GNE: variants seen among roughly 807,000 people sequenced by gnomAD.
GNE encodes bifunctional UDP-N-acetylglucosamine 2-epimerase/N-acetylmannosamine kinase.
A neutral mutation model predicts 61.8 loss-of-function variants in GNE; 41 were observed. That is an observed-to-expected ratio of 0.66 (90% CI 0.52 to 0.86). The LOEUF is 0.86. Ranked by LOEUF, GNE falls within the 40% of genes least tolerant of loss-of-function variation. The pLI is 0.00. For synonymous variants in GNE, 264 were observed against 326.4 expected (o/e 0.81, Z 2.06); for missense variants, 608 against 909.1 (o/e 0.67, Z 4.26).
intron 5 of GNE, among the ~76,000 whole-genome samples, chr9:36,230,029 C>T (rs1028552117): frequency 6.6e-6 from 1 of 152,050 alleles, no homozygotes; most frequent in East Asian, 1.9e-4. Context: ...TCACTGCAAC[C>T]TCTACCTCCC....
intron 7 of GNE, among the ~76,000 whole-genome samples, chr9:36,224,818 C>T (rs1451526950): frequency 2.6e-5 from 4 of 151,650 alleles, no homozygotes; most frequent in East Asian, 1.9e-4. Context: ...TGCAGTAAGC[C>T]GAGATCATAC....
In GNE at chr9:36,217,181, C is replaced by A; in HGVS notation, c.*184G>T. On this transcript the variant is annotated 3_prime_UTR_variant, in exon 12 of 12. Coordinates refer to ENST00000642385, the MANE Select transcript of GNE (RefSeq NM_005476.7). ...AAGAAGACATCAGAAAGAATAGCAT[C>A]TACAAAAATAGGAGTGGGGAAAGGT... 1.6e-6 allele frequency: 1 copy of A among 635,924 alleles called. No individual in the cohort carries two copies. 39.4% of individuals were successfully genotyped at this position (635,924 alleles called of 1,614,324 possible). A position where few individuals can be genotyped will look rare whatever the true frequency, so the allele number is the denominator to read the frequency against.
chr9:36,229,687 G>A (rs917942721), intron 5 of GNE, among the ~76,000 whole-genome samples: 4 of 152,114 alleles, frequency 2.6e-5, no homozygotes, highest in Admixed American at 2.6e-4. Context: ...TAAATGATGA[G>A]GAGGTTAAAT....
Position 36,216,388 on chromosome 9 carries a change from T to G in GNE, c.*977A>C. The G allele has an allele frequency of 6.7e-6, 2 of 299,708 alleles. No homozygotes were observed. The highest frequency in any genetic ancestry group is 1.4e-5 in the Non-Finnish European group (2 of 144,498). 18.6% of individuals were successfully genotyped at this position (299,708 alleles called of 1,614,324 possible). A position where few individuals can be genotyped will look rare whatever the true frequency, so the allele number is the denominator to read the frequency against. ...TCTCGCTCTGTCACCCAGGGTGGAG[T>G]GCAGTGGCATGATCTCGGCTCACTG... is the stretch of plus-strand genomic sequence containing the variant. On this transcript the variant is annotated 3_prime_UTR_variant, in exon 12 of 12. Coordinates refer to ENST00000642385, the MANE Select transcript of GNE (RefSeq NM_005476.7).
intron 5 of GNE, among the ~76,000 whole-genome samples, chr9:36,233,064 T>C (rs909238595): frequency 6.6e-6 from 1 of 152,242 alleles, no homozygotes; most frequent in African/African-American, 2.4e-5. Context: ...CTCATCTCCT[T>C]GGTTCTAGTC....
intron 2 of GNE, 118 bp from the exon 3 acceptor site, chr9:36,246,600 A>G: frequency 1.5e-6 from 1 of 662,028 alleles, no homozygotes; most frequent in Non-Finnish European, 2.7e-6. Flanking sequence ...AAATAAATTG[A>G]AGTATAACTT....
chr9:36,251,946 C>T (rs1830119492), intron 1 of GNE, among the ~76,000 whole-genome samples: 1 of 151,820 alleles, frequency 6.6e-6, no homozygotes, highest in Non-Finnish European at 1.5e-5. Flanking sequence ...GGGCATTCCA[C>T]CAAGAGAGTT....
In GNE at chr9:36,248,313, C is replaced by T. The variant is rs1829983696; in HGVS notation, c.164+879G>A. On this transcript the variant is annotated intron_variant, in intron 2 of 11. Coordinates refer to ENST00000642385, the MANE Select transcript of GNE (RefSeq NM_005476.7). The stretch of plus-strand genomic sequence containing the variant: ...GCCTTGTTCTCTCAGATTATTCAAC[C>T]TTTGCTTTTTTTTTTTTTGAGACGG... Among the ~76,000 whole-genome samples, 3 of 148,554 alleles carry T rather than the reference C, an allele frequency of 2.0e-5. No individual in the cohort carries two copies. In the South Asian group the frequency reaches 6.5e-4, roughly 32 times the overall value.
chr9:36,219,806 G>T (rs770676846), intron 10 of GNE, 32 bp downstream of exon 10: 1 of 1,587,776 alleles, frequency 6.3e-7, no homozygotes. Flanking sequence ...CTACTATTTG[G>T]TTACTTAATT....
At position 36,222,936 on chromosome 9, in the gene GNE, T is replaced by G; in HGVS notation, c.1474A>C (p.Ile492Leu). 3 of 1,614,132 alleles carry G rather than the reference T, an allele frequency of 1.9e-6. No individual in the cohort carries two copies. Among genetic ancestry groups the G allele is most frequent in the Non-Finnish European group, 2.5e-6 (3 of 1,180,036 alleles). ...EGIVLHSTKL[I>L]QEWNSVDLRT... ...AGGTCCACAGAGTTCCACTCTTGGA[T>G]CAGTTTGGTTGAATGCAGCACAATT... is the stretch of plus-strand genomic sequence containing the variant. Residue 492 changes from isoleucine to leucine, a missense_variant, in exon 9 of 12, where the codon ATC becomes CTC. Coordinates refer to ENST00000642385, the MANE Select transcript of GNE (RefSeq NM_005476.7).
chr9:36,259,209 C>T (rs1830528791), upstream of GNE, among the ~76,000 whole-genome samples: 2 of 152,190 alleles, frequency 1.3e-5, no homozygotes, highest in Admixed American at 6.5e-5. Context: ...ACCATGCCAC[C>T]GAATCAGGCT....
chr9:36,275,686 C>T (rs914387039), intron 1 of GNE, among the ~76,000 whole-genome samples: 1 of 151,880 alleles, frequency 6.6e-6, no homozygotes, highest in South Asian at 2.1e-4. Flanking sequence ...ATTGATGACA[C>T]GAGGAAAAAA....
upstream of GNE, among the ~76,000 whole-genome samples, chr9:36,260,886 A>C (rs77328018): frequency 0.048 from 5,960 of 125,462 alleles, 521 homozygotes; most frequent in African/African-American, 0.17. Context: ...AAAAAAAAAA[A>C]AAAAAAAAAA....
In GNE at chr9:36,216,312, G is replaced by A. The variant is rs1166402496; in HGVS notation, c.*1053C>T. ...TCACCTTCTGTGATCTTAGTTTGGG[G>A]TTAGAGGAGGAAGGATGTGTGTGTG... is the stretch of plus-strand genomic sequence containing the variant. On this transcript the variant is annotated 3_prime_UTR_variant, in exon 12 of 12. Transcript: ENST00000642385. 2 of 306,896 alleles carry A rather than the reference G, an allele frequency of 6.5e-6. No homozygotes were observed. Among genetic ancestry groups the A allele is most frequent in the South Asian group, 3.6e-5 (2 of 56,222 alleles). The allele number at this position is 306,896 out of a possible 1,614,324, so 19.0% of individuals were successfully genotyped here.
At chr9:36,238,890 C>G (rs1829518812) in intron 3 of GNE, among the ~76,000 whole-genome samples, 1 of 152,178 alleles carries the variant, frequency 6.6e-6, no homozygotes, top group Non-Finnish European at 1.5e-5. Flanking sequence ...CTTAATCCAT[C>G]TTGAGTTGAT....
Position 36,220,016 on chromosome 9 carries a change from G to A in GNE, c.1638C>T (p.Ile546=), listed in dbSNP as rs147768211. 6.8e-6 allele frequency: 11 copies of A among 1,612,984 alleles called. No homozygotes were observed. Among genetic ancestry groups the A allele is most frequent in the Admixed American group, 1.7e-5 (1 of 59,998 alleles). The change falls in exon 10 of 12, where the codon ATC becomes ATT. Residue 546 remains isoleucine, a synonymous_variant. Coordinates refer to ENST00000642385, the MANE Select transcript of GNE (RefSeq NM_005476.7). ...NFVTLITGTG[I]GGGIIHQHEL... ...CATGCTGATGGATAATTCCACCACC[G>A]ATTCCTACAGCGAGGGATAGAAATC...
intron 1 of GNE, among the ~76,000 whole-genome samples, chr9:36,273,133 C>T (rs756557941): frequency 1.3e-5 from 2 of 151,832 alleles, no homozygotes; most frequent in African/African-American, 4.8e-5. Context: ...ATTTGTAGCA[C>T]CTACAGAACA....
intron 1 of GNE, among the ~76,000 whole-genome samples, chr9:36,269,403 G>C (rs1349800642): frequency 6.6e-6 from 1 of 150,832 alleles, no homozygotes; most frequent in African/African-American, 2.4e-5. Flanking sequence ...ACATACTCCA[G>C]CCTGGCCTTT....
Position 36,236,887 on chromosome 9 carries a change from A to C in GNE, c.714T>G (p.Asp238Glu). The change falls in exon 4 of 12, where the codon GAT becomes GAG. Residue 238 changes from aspartate to glutamate, a missense_variant. Transcript: ENST00000642385. ...TCCGCTTGTTAAATGAGATAAGTGC[A>C]TCCAATGTTAATTCAAACATTTTTA... ...HSIKMFELTL[D>E]ALISFNKRTL... is the part of the protein sequence containing the mutation. The C allele has an allele frequency of 6.2e-7, 1 of 1,612,886 alleles. No individual in the cohort carries two copies. The highest frequency in any genetic ancestry group is 8.5e-7 in the Non-Finnish European group (1 of 1,178,842).
Sources: gnomAD v4.1 joint callset for allele counts (sites outside exome capture counted in the v4.1 genomes callset) on GRCh38, gnomAD v4.1.1 for gene constraint, MANE v1.5 for transcripts, NCBI Gene and HGNC (gene_info 2026-07-23, HGNC 2026-07-21) for gene names.